Variants in LRCH1 observed in about 807,000 individuals in gnomAD.
LRCH1 encodes leucine rich repeats and calponin homology domain containing 1.
LRCH1 carries 23 observed loss-of-function variants against 94.9 expected under a neutral mutation model. The ratio of observed to expected loss-of-function variants is 0.24; its 90% CI spans 0.17 to 0.34. LRCH1 has a LOEUF of 0.34. Among genes scored for constraint, LRCH1 ranks in the 10% least tolerant of loss-of-function variants. The pLI, the probability that LRCH1 is intolerant of heterozygous loss-of-function variation, is 1.00. For synonymous variants in LRCH1, 364 were observed against 354.9 expected, an observed-to-expected ratio of 1.03 and a Z score of -0.29; for missense variants, 790 against 945.9, an observed-to-expected ratio of 0.84 and a Z score of 2.16.
chr13:46,614,112 CTT>C (rs35433062), intron 1 of LRCH1, among the ~76,000 whole-genome samples: 3 of 151,992 alleles, frequency 2.0e-5, no homozygotes, highest in African/African-American at 7.3e-5. Context: ...AGTTACCTTT[CTT>C]TTTTTGTGGC....
intron 1 of LRCH1, among the ~76,000 whole-genome samples, chr13:46,567,522 G>GTGTGTT (rs1555268525): frequency 3.3e-5 from 5 of 151,868 alleles, no homozygotes; most frequent in Non-Finnish European, 1.5e-5. Context: ...GTGTGTGTGT[G>GTGTGTT]TGTGTTTTCC....
At chr13:46,681,965 T>TGTGTGC (rs1188518112) in intron 4 of LRCH1, 119 bp downstream of exon 4, 3 of 639,280 alleles carry the variant, frequency 4.7e-6, no homozygotes, top group East Asian at 2.8e-5. Flanking sequence ...TGTGTGTGTG[T>TGTGTGC]GCCTACTACT....
At chr13:46,592,180 T>A (rs910135432) in intron 1 of LRCH1, among the ~76,000 whole-genome samples, 1 of 152,180 alleles carries the variant, frequency 6.6e-6, no homozygotes, top group African/African-American at 2.4e-5. Context: ...ACTCCATTAA[T>A]GAGGAATCAT....
At chr13:46,651,989 G>A (rs182480388) in intron 2 of LRCH1, among the ~76,000 whole-genome samples, 2 of 125,170 alleles carry the variant, frequency 1.6e-5, no homozygotes, top group Non-Finnish European at 3.4e-5. Flanking sequence ...CCGGGTTCAC[G>A]CCATTCTCCT....
At chr13:46,699,489 G>A (rs891057849) in intron 10 of LRCH1, 86 bp downstream of exon 10, 2 of 1,208,368 alleles carry the variant, frequency 1.7e-6, no homozygotes, top group African/African-American at 3.0e-5. Flanking sequence ...ATAGAATTTT[G>A]ACCTGCTTTT....
At chr13:46,563,655 C>T (rs1056203544) in intron 1 of LRCH1, among the ~76,000 whole-genome samples, 2 of 152,168 alleles carry the variant, frequency 1.3e-5, no homozygotes. Context: ...GATGTTTCAC[C>T]TCATTTAATG....
chr13:46,688,147 A>T (rs1048477457), intron 6 of LRCH1, among the ~76,000 whole-genome samples, 168 bp downstream of exon 6: 4 of 152,262 alleles, frequency 2.6e-5, no homozygotes, highest in African/African-American at 7.2e-5. Context: ...TAAAACAAGA[A>T]GTTGAGAAAC....
chr13:46,688,528 C>CTT (rs1870736543), intron 6 of LRCH1, among the ~76,000 whole-genome samples: 1 of 152,132 alleles, frequency 6.6e-6, no homozygotes, highest in Non-Finnish European at 1.5e-5. Flanking sequence ...AAGCCTTGAG[C>CTT]TTCCAAAAAA....
At chr13:46,577,550 A>G (rs2050317977) in intron 1 of LRCH1, among the ~76,000 whole-genome samples, 1 of 152,238 alleles carries the variant, frequency 6.6e-6, no homozygotes, top group African/African-American at 2.4e-5. Flanking sequence ...ACCTATACTC[A>G]AAAGGTGGTA....
At chr13:46,752,859 C>T (rs774541280) in exon 19 of LRCH1, 1 of 151,672 alleles carries the variant, frequency 6.6e-6, no homozygotes, top group Non-Finnish European at 1.5e-5. Flanking sequence ...TGTAAAATTG[C>T]TTTTTTTTCT....
At chr13:46,616,739 G>T (rs1011570699) in intron 1 of LRCH1, among the ~76,000 whole-genome samples, 3 of 152,210 alleles carry the variant, frequency 2.0e-5, no homozygotes, top group African/African-American at 7.2e-5. Context: ...CACCAAACAG[G>T]CTTTGTGTGA....
At chr13:46,729,571 AAAAG>A (rs1873001599) in intron 18 of LRCH1, among the ~76,000 whole-genome samples, 1 of 151,680 alleles carries the variant, frequency 6.6e-6, no homozygotes, top group African/African-American at 2.4e-5. Context: ...AAAAAAAAGA[AAAAG>A]AAAAAAGAAA....
At chr13:46,588,661 C>T (rs111642930) in intron 1 of LRCH1, among the ~76,000 whole-genome samples, 3,787 of 145,162 alleles carry the variant, frequency 0.026, 164 homozygotes, top group African/African-American at 0.091. Flanking sequence ...AATGCAGTGG[C>T]GCCATCTCCG....
chr13:46,557,813 C>T (rs950268724), intron 1 of LRCH1, among the ~76,000 whole-genome samples: 1 of 151,940 alleles, frequency 6.6e-6, no homozygotes. Context: ...GAGCTGAGGT[C>T]GCACCACTGC....
intron 1 of LRCH1, among the ~76,000 whole-genome samples, chr13:46,562,327 G>T (rs945764684): frequency 1.3e-5 from 2 of 152,168 alleles, no homozygotes; most frequent in Admixed American, 6.5e-5. Context: ...TTTTCCCATA[G>T]CTCTGGAGGC....
chr13:46,613,038 A>G (rs913984366), intron 1 of LRCH1, among the ~76,000 whole-genome samples: 6 of 152,236 alleles, frequency 3.9e-5, no homozygotes, highest in Admixed American at 2.6e-4. Context: ...TGTAATTTGT[A>G]CATTATTATT....
At chr13:46,724,425 C>A (rs561221542) in intron 17 of LRCH1, among the ~76,000 whole-genome samples, 1 of 152,200 alleles carries the variant, frequency 6.6e-6, no homozygotes, top group South Asian at 2.1e-4. Flanking sequence ...CACTTTGTAC[C>A]CCAAACCGAC....
At chr13:46,749,335 G>A (rs186286687), downstream of LRCH1, among the ~76,000 whole-genome samples, 2 of 152,256 alleles carry the variant, frequency 1.3e-5, no homozygotes, top group East Asian at 1.9e-4. Context: ...ATCTAAAAAC[G>A]TTGAATTCAC....
intron 2 of LRCH1, among the ~76,000 whole-genome samples, chr13:46,657,390 A>ATTTTTT (rs10672465): frequency 1.4e-5 from 2 of 146,200 alleles, no homozygotes; most frequent in African/African-American, 2.5e-5. Flanking sequence ...AAAAAGAGAG[A>ATTTTTT]TTTTTTTTTT....
Sources: gnomAD v4.1 joint callset for allele counts (sites outside exome capture counted in the v4.1 genomes callset) on GRCh38, gnomAD v4.1.1 for gene constraint, MANE v1.5 for transcripts, NCBI Gene and HGNC (gene_info 2026-07-23, HGNC 2026-07-21) for gene names.